GUCY1A2: variants seen among roughly 807,000 people sequenced by gnomAD.
The protein encoded by GUCY1A2 is guanylate cyclase 1 soluble subunit alpha 2.
A neutral mutation model predicts 63.5 loss-of-function variants in GUCY1A2; 27 were observed. That is an observed-to-expected ratio of 0.43 (90% CI 0.31 to 0.59). The LOEUF (loss-of-function observed/expected upper bound fraction) is 0.59, where lower values mean the gene tolerates loss of function less well. Among genes scored for constraint, GUCY1A2 ranks in the 20% least tolerant of loss-of-function variants. GUCY1A2 has a pLI of 0.11. For synonymous variants in GUCY1A2, 364 were observed against 343.5 expected, an observed-to-expected ratio of 1.06 and a Z score of -0.66; for missense variants, 768 against 913.3, an observed-to-expected ratio of 0.84 and a Z score of 2.05.
At chr11:106,714,514 T>C (rs1179339145) in intron 6 of GUCY1A2, among the ~76,000 whole-genome samples, 1 of 152,122 alleles carries the variant, frequency 6.6e-6, no homozygotes, top group African/African-American at 2.4e-5. Context: ...TATCTAGCAG[T>C]AAGACAAACA....
intron 4 of GUCY1A2, among the ~76,000 whole-genome samples, chr11:106,884,285 C>G (rs1859866986): frequency 6.6e-6 from 1 of 152,056 alleles, no homozygotes; most frequent in Admixed American, 6.6e-5. Flanking sequence ...AGAACAAAGA[C>G]AGTGGAATTC....
At chr11:106,698,478 T>G (rs1483452692) in intron 7 of GUCY1A2, among the ~76,000 whole-genome samples, 2 of 152,028 alleles carry the variant, frequency 1.3e-5, no homozygotes, top group Non-Finnish European at 2.9e-5. Flanking sequence ...TAATGTTAGA[T>G]TTATAGAAGA....
chr11:106,925,046 C>T (rs1382222026), intron 4 of GUCY1A2, among the ~76,000 whole-genome samples: 1 of 151,982 alleles, frequency 6.6e-6, no homozygotes, highest in African/African-American at 2.4e-5. Context: ...TCATCATCAT[C>T]ACCTTAATAA....
intron 4 of GUCY1A2, among the ~76,000 whole-genome samples, chr11:106,907,470 A>C (rs1339260683): frequency 6.6e-6 from 1 of 151,956 alleles, no homozygotes; most frequent in East Asian, 1.9e-4. Flanking sequence ...TTAGTTACAT[A>C]TGTATACATG....
In GUCY1A2 at chr11:106,861,491, C is replaced by T. The variant is rs530863085; in HGVS notation, c.1207-51013G>A. Among the ~76,000 whole-genome samples the T allele has an allele frequency of 2.1e-3, 323 of 152,014 alleles. 5 individuals are homozygous for T. The highest frequency in any genetic ancestry group is 1.6e-3 in the East Asian group (8 of 5,152). On this transcript the variant is annotated intron_variant, in intron 4 of 7. Transcript: ENST00000526355. ...TGTCAGCCATGTTCCCATCAACTTT[C>T]AGTTCTGAAATAATCATCTTCCCCA...
chr11:106,706,600 G>A (rs1862917186), intron 7 of GUCY1A2, among the ~76,000 whole-genome samples: 1 of 146,578 alleles, frequency 6.8e-6, no homozygotes, highest in Non-Finnish European at 1.5e-5. Flanking sequence ...CTGTTATGAT[G>A]TCTAAGCAAC....
rs948959727 is a variant in GUCY1A2, at chr11:106,683,484, T to A, written c.*4065A>T. On this transcript the variant is annotated 3_prime_UTR_variant, in exon 8 of 8. Coordinates refer to ENST00000526355, the MANE Select transcript of GUCY1A2 (RefSeq NM_000855.3). ...CAGATATAATCAATGCCCCGGCACATCCAGTTCATTACTACACTTCAGAAG... is the reference window on the plus strand; with the variant it reads ...CAGATATAATCAATGCCCCGGCACAACCAGTTCATTACTACACTTCAGAAG... The A allele has an allele frequency of 4.4e-6, 1 of 227,848 alleles. No homozygotes were observed. Among genetic ancestry groups the A allele is most frequent in the Admixed American group, 5.7e-5 (1 of 17,554 alleles). The allele number at this position is 227,848 out of a possible 1,614,324, so 14.1% of individuals were successfully genotyped here.
chr11:106,832,100 A>T (rs1366026841), intron 4 of GUCY1A2, among the ~76,000 whole-genome samples: 2 of 152,202 alleles, frequency 1.3e-5, no homozygotes, highest in African/African-American at 4.8e-5. Flanking sequence ...GCTTTGCTTA[A>T]AGGACAAATA....
intron 4 of GUCY1A2, among the ~76,000 whole-genome samples, chr11:106,823,794 T>A (rs1858932825): frequency 6.6e-6 from 1 of 152,196 alleles, no homozygotes; most frequent in Non-Finnish European, 1.5e-5. Context: ...AGTGTGGTTT[T>A]AATTTGCATT....
chr11:106,837,935 C>A (rs1236018465), intron 4 of GUCY1A2, among the ~76,000 whole-genome samples: 1 of 151,842 alleles, frequency 6.6e-6, no homozygotes, highest in African/African-American at 2.4e-5. Context: ...GGTCACCATT[C>A]CAAGCCTTTT....
intron 3 of GUCY1A2, among the ~76,000 whole-genome samples, chr11:106,945,530 T>G (rs1383883714): frequency 6.6e-6 from 1 of 152,218 alleles, no homozygotes; most frequent in Non-Finnish European, 1.5e-5. Context: ...CATAGACACA[T>G]GCTTTCTGAT....
chr11:106,777,711 A>C (rs908710192), intron 5 of GUCY1A2, among the ~76,000 whole-genome samples: 5 of 116,908 alleles, frequency 4.3e-5, no homozygotes, highest in African/African-American at 1.6e-4. Flanking sequence ...GGATAGCATT[A>C]GGAGAATATC....
intron 1 of GUCY1A2, among the ~76,000 whole-genome samples, chr11:107,002,563 A>C (rs1446681172): frequency 1.3e-5 from 2 of 152,216 alleles, no homozygotes; most frequent in African/African-American, 4.8e-5. Flanking sequence ...GCTTATTTTT[A>C]GGAGGATAGG....
At chr11:106,824,908 C>A in intron 4 of GUCY1A2, 1 of 1,612,034 alleles carries the variant, frequency 6.2e-7, no homozygotes, top group Non-Finnish European at 8.5e-7. Context: ...CTTCAGCAAT[C>A]TGGTTCTAAG....
chr11:107,014,708 A>G (rs1861796425), intron 1 of GUCY1A2, among the ~76,000 whole-genome samples: 1 of 152,288 alleles, frequency 6.6e-6, no homozygotes, highest in South Asian at 2.1e-4. Context: ...CTATTTGCAA[A>G]TCATTCTGAA....
intron 4 of GUCY1A2, among the ~76,000 whole-genome samples, chr11:106,908,113 A>G (rs988233195): frequency 1.3e-5 from 2 of 152,222 alleles, no homozygotes; most frequent in African/African-American, 4.8e-5. Flanking sequence ...TAAAGTCTGG[A>G]TACTAAAAGC....
chr11:106,892,266 A>G (rs1859984745), intron 4 of GUCY1A2, among the ~76,000 whole-genome samples: 1 of 152,102 alleles, frequency 6.6e-6, no homozygotes, highest in African/African-American at 2.4e-5. Context: ...ATGGTGACAC[A>G]GTAAATAATA....
intron 4 of GUCY1A2, among the ~76,000 whole-genome samples, chr11:106,848,034 T>C (rs7483744): frequency 0.017 from 2,565 of 151,672 alleles, 34 homozygotes; most frequent in Non-Finnish European, 0.03. Context: ...AGTAACTTAA[T>C]GGATTCAGAT....
intron 4 of GUCY1A2, among the ~76,000 whole-genome samples, chr11:106,847,717 G>T (rs1222689048): frequency 6.6e-6 from 1 of 151,578 alleles, no homozygotes. Context: ...TTTTTGAAAG[G>T]TGTATAAATC....
Sources: allele counts gnomAD v4.1 joint callset (sites outside exome capture counted in the v4.1 genomes callset), GRCh38; gene constraint gnomAD v4.1.1; transcripts MANE v1.5; gene names NCBI Gene and HGNC (gene_info 2026-07-23, HGNC 2026-07-21).